The following PEX7 variants were observed in gnomAD, a reference collection of about 807,000 sequenced individuals.
PEX7 encodes peroxisomal biogenesis factor 7.
A neutral mutation model predicts 47.5 loss-of-function variants in PEX7; 34 were observed. The observed-to-expected ratio is 0.72, with a 90% confidence interval of 0.54 to 0.95. The LOEUF (loss-of-function observed/expected upper bound fraction) is 0.95. Ranked by LOEUF, PEX7 falls within the 40% of genes least tolerant of loss-of-function variation. PEX7 has a pLI of 0.00. For missense variants in PEX7, 394 were observed against 400.3 expected (o/e 0.98, Z 0.13); for synonymous variants, 141 against 148.8 (o/e 0.95, Z 0.38).
chr6:136,836,794 A>G (rs1338195778), intron 3 of PEX7, among the ~76,000 whole-genome samples: 1 of 152,102 alleles, frequency 6.6e-6, no homozygotes, highest in African/African-American at 2.4e-5. Context: ...CTCTACTAAA[A>G]ATACAAAAAT....
intron 3 of PEX7, among the ~76,000 whole-genome samples, chr6:136,832,071 C>G (rs1038052870): frequency 7.2e-5 from 11 of 152,270 alleles, no homozygotes; most frequent in African/African-American, 2.7e-4. Context: ...AGCAAAGGTT[C>G]TCCATGAGGG....
In PEX7 at chr6:136,866,669, T is replaced by G; in HGVS notation, c.569T>G (p.Val190Gly). Reference sequence around the variant, plus strand: ...ATATGGGATGTGAAGGCAGCAGGAGTAAGAATCGTGATTCCTGCACATCAG... The same window carrying G: ...ATATGGGATGTGAAGGCAGCAGGAGGAAGAATCGTGATTCCTGCACATCAG... ...LRIWDVKAAGVRIVIPAHQAE... is the reference protein window; with the variant it reads ...LRIWDVKAAGGRIVIPAHQAE... Residue 190 changes from valine (V) to glycine (G), a missense_variant, in exon 6 of 10, where the codon GTA becomes GGA. Transcript: ENST00000318471. 1 of 1,613,928 alleles carries G rather than the reference T, an allele frequency of 6.2e-7. No individual in the cohort carries two copies. The highest frequency in any genetic ancestry group is 8.5e-7 in the Non-Finnish European group (1 of 1,179,934).
chr6:136,846,785 A>G lies in PEX7; in HGVS notation c.526+604A>G, dbSNP rs111691179. On this transcript the variant is annotated intron_variant, in intron 5 of 9. Coordinates refer to ENST00000318471, the MANE Select transcript of PEX7 (RefSeq NM_000288.4). ...TGGTTCCAAGTCTTTGTTATTGTGC[A>G]TAGCGCCGCAGTAAACATACATATG... 4.3e-4 allele frequency among the ~76,000 whole-genome samples: 66 copies of G among 152,294 alleles called. 1 individual carries two copies. In the East Asian group the frequency reaches 0.011, roughly 26 times the overall value.
intron 5 of PEX7, among the ~76,000 whole-genome samples, chr6:136,854,003 A>G (rs1229562200): frequency 1.3e-5 from 2 of 152,180 alleles, no homozygotes; most frequent in East Asian, 1.9e-4. Flanking sequence ...GACCAGTAAT[A>G]TATTTTTTCT....
intron 8 of PEX7, among the ~76,000 whole-genome samples, chr6:136,887,588 A>G (rs1206807721): frequency 6.6e-6 from 1 of 152,092 alleles, no homozygotes; most frequent in Non-Finnish European, 1.5e-5. Flanking sequence ...TTCAGCAAAA[A>G]TATTCCTTCA....
rs552573661 is a variant in PEX7, at chr6:136,903,336, C to CTTTT, written c.903+5111_903+5114dup. Among the ~76,000 whole-genome samples, 6 of 126,316 alleles carry CTTTT rather than the reference C, an allele frequency of 4.7e-5. 1 individual carries two copies. Among genetic ancestry groups the CTTTT allele is most frequent in the Admixed American group, 8.5e-5 (1 of 11,764 alleles). The allele number at this position is 126,316 out of a possible 152,430, so 82.9% of individuals were successfully genotyped here. On this transcript the variant is annotated intron_variant, in intron 9 of 9. Coordinates refer to ENST00000318471, the MANE Select transcript of PEX7 (RefSeq NM_000288.4). The stretch of plus-strand genomic sequence containing the variant: ...GGTAAACAATCTTTTCTTTCTTTCT[C>CTTTT]TTTTTTTTTTTTTTTTTTTCATAGA...
intron 3 of PEX7, among the ~76,000 whole-genome samples, chr6:136,841,030 T>C (rs896650002): frequency 1.3e-5 from 2 of 152,242 alleles, no homozygotes; most frequent in Admixed American, 1.3e-4. Flanking sequence ...GCATGTTTGC[T>C]GCTGCTAAAA....
intron 5 of PEX7, among the ~76,000 whole-genome samples, chr6:136,848,937 T>C (rs970755459): frequency 6.6e-6 from 1 of 152,222 alleles, no homozygotes; most frequent in African/African-American, 2.4e-5. Flanking sequence ...TACCAGCTCC[T>C]CTTTATACCT....
At chr6:136,835,960 A>G (rs529195232) in intron 3 of PEX7, among the ~76,000 whole-genome samples, 2 of 152,340 alleles carry the variant, frequency 1.3e-5, no homozygotes, top group East Asian at 3.9e-4. Flanking sequence ...ACTTTGAAGC[A>G]TGACTGCTGC....
intron 3 of PEX7, among the ~76,000 whole-genome samples, chr6:136,827,504 TTGTGTGTGTGTGTGTGTG>T (rs5880309): frequency 2.1e-4 from 29 of 141,024 alleles, no homozygotes; most frequent in African/African-American, 5.3e-4. Context: ...CTGTGTGAAT[TTGTGTGTGTGTGTGTGTG>T]TGTGTGTGTG....
intron 5 of PEX7, among the ~76,000 whole-genome samples, chr6:136,865,205 C>A (rs1302633280): frequency 1.3e-5 from 2 of 152,168 alleles, no homozygotes; most frequent in Non-Finnish European, 2.9e-5. Context: ...AATCCCAGTA[C>A]TTTGGGAGGC....
chr6:136,899,449 G>A (rs1775715019), intron 9 of PEX7, among the ~76,000 whole-genome samples: 3 of 152,032 alleles, frequency 2.0e-5, no homozygotes, highest in Admixed American at 2.0e-4. Flanking sequence ...TCGCCATGTT[G>A]ACTAGGCTGG....
chr6:136,841,482 T>C (rs1424768399), intron 3 of PEX7, among the ~76,000 whole-genome samples: 1 of 152,222 alleles, frequency 6.6e-6, no homozygotes, highest in Non-Finnish European at 1.5e-5. Context: ...CCTATTGACA[T>C]TTTAGCCAGC....
chr6:136,909,073 A>G (rs1336828502), intron 9 of PEX7, among the ~76,000 whole-genome samples: 2 of 152,116 alleles, frequency 1.3e-5, no homozygotes, highest in Non-Finnish European at 2.9e-5. Flanking sequence ...CTGTCTCTCC[A>G]TTACAATCAA....
At chr6:136,886,922 A>G (rs1300005565) in intron 8 of PEX7, among the ~76,000 whole-genome samples, 1 of 152,114 alleles carries the variant, frequency 6.6e-6, no homozygotes, top group Admixed American at 6.6e-5. Flanking sequence ...ATGGTGGCAC[A>G]TACCTGTGAT....
At chr6:136,913,175 G>A (rs1562762404) in intron 9 of PEX7, among the ~76,000 whole-genome samples, 1 of 152,158 alleles carries the variant, frequency 6.6e-6, no homozygotes, top group Non-Finnish European at 1.5e-5. Flanking sequence ...TAGCTGTTGG[G>A]TGAAGTGAAG....
At chr6:136,838,194 A>C (rs964125408) in intron 3 of PEX7, among the ~76,000 whole-genome samples, 1 of 152,246 alleles carries the variant, frequency 6.6e-6, no homozygotes, top group African/African-American at 2.4e-5. Context: ...CAATCTTAGG[A>C]TCACTAAAAG....
intron 8 of PEX7, among the ~76,000 whole-genome samples, chr6:136,883,677 C>T (rs1049759879): frequency 2.0e-5 from 3 of 152,088 alleles, no homozygotes; most frequent in African/African-American, 4.8e-5. Flanking sequence ...TCTGGCCTTT[C>T]TTGAGAGCCT....
chr6:136,829,952 A>C, intron 3 of PEX7: 1 of 695,054 alleles, frequency 1.4e-6, no homozygotes, highest in Non-Finnish European at 2.6e-6. Context: ...AAAGTTATTA[A>C]AAAAAAAAGT....
Sources: gnomAD v4.1 joint callset for allele counts (sites outside exome capture counted in the v4.1 genomes callset) on GRCh38, gnomAD v4.1.1 for gene constraint, MANE v1.5 for transcripts, NCBI Gene and HGNC (gene_info 2026-07-23, HGNC 2026-07-21) for gene names.